The following ITGAL variants were observed in gnomAD, a reference collection of about 807,000 sequenced individuals.
ITGAL encodes integrin subunit alpha L, also known as integrin alpha-L.
A neutral mutation model predicts 138.4 loss-of-function variants in ITGAL; 68 were observed. The observed-to-expected ratio is 0.49, with a 90% CI of 0.40 to 0.60. The LOEUF is 0.60. Ranked by LOEUF, ITGAL falls within the 20% of genes least tolerant of loss-of-function variation. The probability of loss-of-function intolerance (pLI) is 0.00; values close to 1 mark genes in which losing one functional copy is unlikely to be tolerated. For synonymous variants in ITGAL, 561 were observed against 584.3 expected (o/e 0.96, Z 0.57); for missense variants, 1,256 against 1,478.6 (o/e 0.85, Z 2.47).
intron 25 of ITGAL, among the ~76,000 whole-genome samples, chr16:30,516,619 G>A (rs2051169786): frequency 6.6e-6 from 1 of 152,160 alleles, no homozygotes; most frequent in Non-Finnish European, 1.5e-5. Context: ...AGACATCCAA[G>A]CAGATCCTTT....
chr16:30,514,163 T>C (rs2051132161), intron 25 of ITGAL, among the ~76,000 whole-genome samples: 1 of 152,212 alleles, frequency 6.6e-6, no homozygotes. Context: ...CAGGCTTGAG[T>C]GCAGTGGTGC....
chr16:30,511,001 C>T, intron 23 of ITGAL, 41 bp downstream of exon 23: 1 of 1,610,460 alleles, frequency 6.2e-7, no homozygotes, highest in South Asian at 1.1e-5. Flanking sequence ...GGTCTCAGAC[C>T]TGGCCAAGCC....
chr16:30,517,433 C>T (rs1438776327), intron 26 of ITGAL, among the ~76,000 whole-genome samples: 2 of 151,734 alleles, frequency 1.3e-5, no homozygotes, highest in South Asian at 2.1e-4. Context: ...ACTCCAGCCT[C>T]GGTGACAGAA....
chr16:30,499,570 CGTCACTTCCATCCCTCTGTGCT>C (rs1414433665), intron 17 of ITGAL, 81 bp downstream of exon 17: 4 of 1,370,006 alleles, frequency 2.9e-6, no homozygotes, highest in Non-Finnish European at 4.1e-6. Context: ...GTGGGTGACA[CGTCACTTCCATCCCTCTGTGCT>C]GTCACTTCCT....
intron 9 of ITGAL, among the ~76,000 whole-genome samples, chr16:30,486,297 C>A (rs887128181): frequency 7.9e-5 from 12 of 151,812 alleles, no homozygotes; most frequent in African/African-American, 2.9e-4. Flanking sequence ...GGTCACCCAG[C>A]TACTTGGGAG....
At chr16:30,482,701 A>G (rs935275412) in intron 7 of ITGAL, among the ~76,000 whole-genome samples, 2 of 152,176 alleles carry the variant, frequency 1.3e-5, no homozygotes, top group African/African-American at 4.8e-5. Flanking sequence ...TGCATCCAAG[A>G]TAGAACCAGA....
intron 6 of ITGAL, chr16:30,481,142 A>AC (rs1185871846): frequency 3.7e-4 from 83 of 221,912 alleles, no homozygotes; most frequent in African/African-American, 2.4e-3. Context: ...TCTCTACTAA[A>AC]AACACACACA....
chr16:30,483,404 G>A (rs2050587795), intron 7 of ITGAL, among the ~76,000 whole-genome samples: 1 of 152,194 alleles, frequency 6.6e-6, no homozygotes, highest in South Asian at 2.1e-4. Flanking sequence ...CAGAGGAGGT[G>A]CTGGAAGAGC....
At chr16:30,511,180 A>C (rs1567488066) in intron 24 of ITGAL, 44 bp downstream of exon 24, 1 of 1,489,724 alleles carries the variant, frequency 6.7e-7, no homozygotes, top group Non-Finnish European at 9.4e-7. Flanking sequence ...CTCCCACCGC[A>C]GCCTCCCAAC....
chr16:30,475,051 G>A (rs2050451166), intron 2 of ITGAL, among the ~76,000 whole-genome samples: 1 of 151,924 alleles, frequency 6.6e-6, no homozygotes, highest in Non-Finnish European at 1.5e-5. Flanking sequence ...TAGAGACGGG[G>A]TTTCACCATA....
intron 8 of ITGAL, 41 bp downstream of exon 8, chr16:30,484,000 C>T: frequency 1.9e-6 from 3 of 1,599,972 alleles, no homozygotes; most frequent in Admixed American, 1.7e-5. Flanking sequence ...CTTCCCTCTC[C>T]TCTTTCTGAA....
At chr16:30,515,926 C>T (rs1287583933) in intron 25 of ITGAL, among the ~76,000 whole-genome samples, 6 of 151,186 alleles carry the variant, frequency 4.0e-5, no homozygotes, top group Non-Finnish European at 8.8e-5. Context: ...GAGCTGTGAT[C>T]GTGCCATCGC....
intron 6 of ITGAL, chr16:30,480,816 T>G (rs1317973591): frequency 6.5e-6 from 1 of 154,270 alleles, no homozygotes; most frequent in African/African-American, 2.4e-5. Context: ...CTAGGCAACA[T>G]AGCAAGACCC....
chr16:30,483,628 G>C (rs1000167609), intron 7 of ITGAL, among the ~76,000 whole-genome samples, 199 bp from the exon 8 acceptor site: 1 of 152,156 alleles, frequency 6.6e-6, no homozygotes, highest in Non-Finnish European at 1.5e-5. Context: ...GATGCAGTGT[G>C]AGGACCACTG....
intron 29 of ITGAL, 100 bp from the exon 30 acceptor site, chr16:30,519,757 T>C: frequency 1.3e-6 from 1 of 777,278 alleles, no homozygotes; most frequent in Non-Finnish European, 2.3e-6. Context: ...AGGCGGGTGA[T>C]GCAGTCCGGA....
At chr16:30,482,382 T>G (rs903359187) in intron 7 of ITGAL, among the ~76,000 whole-genome samples, 8 of 152,102 alleles carry the variant, frequency 5.3e-5, no homozygotes, top group Admixed American at 5.3e-4. Context: ...AGAGAGATCA[T>G]GAGGGTCTGG....
At position 30,494,342 on chromosome 16, in the gene ITGAL, C is replaced by T. The variant is rs760248973; in HGVS notation, c.1344C>T (p.Val448=). The T allele has an allele frequency of 6.2e-7, 1 of 1,610,312 alleles. No homozygotes were observed. The highest frequency in any genetic ancestry group is 8.5e-7 in the Non-Finnish European group (1 of 1,177,282). ...EPQGGGHWSQ[V]QTIHGTQIGS... ...AGGGCGGAGGACACTGGAGCCAGGT[C>T]CAGACAATCCATGGGACCCAGGTGC... The change falls in exon 12 of 31, where the codon GTC becomes GTT. Residue 448 remains valine (V), a synonymous_variant. Coordinates refer to ENST00000356798, the MANE Select transcript of ITGAL (RefSeq NM_002209.3). The surrounding 1 kb of genome is among the most constrained non-coding windows in gnomAD (Gnocchi z 4.2).
At chr16:30,510,983 C>T in intron 23 of ITGAL, 23 bp downstream of exon 23, 1 of 1,613,496 alleles carries the variant, frequency 6.2e-7, no homozygotes, top group Non-Finnish European at 8.5e-7. Flanking sequence ...CGCCCACATC[C>T]CTGCCATGGT....
intron 17 of ITGAL, 60 bp downstream of exon 17, chr16:30,499,549 G>A (rs570767493): frequency 7.7e-5 from 119 of 1,555,154 alleles, no homozygotes; most frequent in South Asian, 3.2e-4. Flanking sequence ...GCTCAGCTCC[G>A]TCACTGTCCA....
Sources: gnomAD v4.1 joint callset for allele counts (sites outside exome capture counted in the v4.1 genomes callset) on GRCh38, gnomAD v4.1.1 for gene constraint, Gnocchi (gnomAD v3.1) non-coding constraint, MANE v1.5 for transcripts, NCBI Gene and HGNC (gene_info 2026-07-23, HGNC 2026-07-21) for gene names.